The following ZSCAN25 variants were observed in gnomAD, a reference collection of about 807,000 sequenced individuals.
ZSCAN25 encodes zinc finger and SCAN domain-containing protein 25.
Under a neutral mutation model 38.7 loss-of-function variants are expected in ZSCAN25, and 27 were observed. The observed-to-expected ratio is 0.70, with a 90% CI of 0.51 to 0.96. The LOEUF is 0.96. Ranked by LOEUF, ZSCAN25 falls within the 40% of genes least tolerant of loss-of-function variation. ZSCAN25 has a pLI of 0.00. For synonymous variants in ZSCAN25, 273 were observed against 277.7 expected (o/e 0.98, Z 0.17); for missense variants, 637 against 705.9 (o/e 0.90, Z 1.11).
the ZSCAN25 span, among the ~76,000 whole-genome samples, chr7:99,675,781 C>CT: frequency 6.9e-6 from 1 of 145,450 alleles, no homozygotes; most frequent in Non-Finnish European, 1.5e-5. Context: ...ACAGCCTTGA[C>CT]TTCCTGGGTT....
chr7:99,636,882 G>C (rs1808305816), downstream of ZSCAN25, among the ~76,000 whole-genome samples: 1 of 152,170 alleles, frequency 6.6e-6, no homozygotes. Flanking sequence ...GTAATCTGTA[G>C]GTTCTTTGTC....
the ZSCAN25 span, among the ~76,000 whole-genome samples, chr7:99,672,412 C>G: frequency 2.6e-5 from 4 of 151,888 alleles, no homozygotes; most frequent in African/African-American, 9.7e-5. Flanking sequence ...ATATATATTG[C>G]AATATACAAG....
At position 99,624,038 on chromosome 7, in the gene ZSCAN25, CA is replaced by C; in HGVS notation, c.682-17del. Reference sequence around the variant, plus strand: ...CCTAGGATTCTTTCTTTATTCATAGCAATCTCCTATTGTTGCAGGGGTTGGG... The same window carrying C: ...CCTAGGATTCTTTCTTTATTCATAGCATCTCCTATTGTTGCAGGGGTTGGG... On this transcript the variant is annotated intron_variant, in intron 6 of 7. Coordinates refer to ENST00000394152, the MANE Select transcript of ZSCAN25 (RefSeq NM_145115.3). The C allele has an allele frequency of 6.2e-7, 1 of 1,614,128 alleles. No homozygotes were observed. Among genetic ancestry groups the C allele is most frequent in the Non-Finnish European group, 8.5e-7 (1 of 1,180,028 alleles).
At chr7:99,714,776 T>G in the ZSCAN25 span, 2 of 1,561,166 alleles carry the variant, frequency 1.3e-6, no homozygotes, top group Non-Finnish European at 1.7e-6. Context: ...ATCAGAAGAG[T>G]GAAATACATC....
At chr7:99,698,272 A>C in the ZSCAN25 span, among the ~76,000 whole-genome samples, 2 of 152,222 alleles carry the variant, frequency 1.3e-5, no homozygotes, top group South Asian at 4.1e-4. Context: ...ACCGCCCCAC[A>C]ACATGGCAGA....
the ZSCAN25 span, chr7:99,700,159 G>A: frequency 8.9e-6 from 6 of 670,998 alleles, no homozygotes; most frequent in East Asian, 8.4e-5. Context: ...CTGCTGAAAT[G>A]TTTATGTGCT....
At position 99,619,715 on chromosome 7, in the gene ZSCAN25, AG is replaced by A; in HGVS notation, c.110del (p.Ser37IlefsTer7). 6.2e-7 allele frequency: 1 copy of A among 1,614,140 alleles called. No homozygotes were observed. Among genetic ancestry groups the A allele is most frequent in the Admixed American group, 1.7e-5 (1 of 60,016 alleles). On this transcript the variant is annotated frameshift_variant, in exon 4 of 8. Transcript: ENST00000394152. LOFTEE classifies it high-confidence loss of function. The part of the protein sequence containing the change: ...LPWGRGREDP[S>X]PETFRLRFRQ... ...ATGGGGCAGAGGAAGGGAGGACCCT[AG>A]TCCAGAGACTTTTCGGCTGAGGTTT... is the stretch of plus-strand genomic sequence containing the variant.
At chr7:99,723,037 C>T in the ZSCAN25 span, among the ~76,000 whole-genome samples, 6,570 of 141,938 alleles carry the variant, frequency 0.046, 452 homozygotes, top group African/African-American at 0.15. Context: ...TAAAAAAAAA[C>T]CTTCCTGTTT....
the ZSCAN25 span, chr7:99,707,754 G>A: frequency 1.2e-6 from 2 of 1,603,746 alleles, no homozygotes; most frequent in East Asian, 2.3e-5. Context: ...TAAATATATA[G>A]ACCATTCAGT....
chr7:99,621,103 GATA>G (rs1283778017), intron 4 of ZSCAN25: 1 of 302,160 alleles, frequency 3.3e-6, no homozygotes, highest in East Asian at 5.3e-5. Context: ...TCCTCAGCAG[GATA>G]ATATTTGGGC....
At chr7:99,672,702 A>C in the ZSCAN25 span, 1 of 1,613,106 alleles carries the variant, frequency 6.2e-7, no homozygotes, top group South Asian at 1.1e-5. Flanking sequence ...AACGGAGCTG[A>C]TTAAACTTCA....
the ZSCAN25 span, chr7:99,720,540 A>T: frequency 9.6e-7 from 1 of 1,036,366 alleles, no homozygotes; most frequent in East Asian, 2.6e-5. Context: ...CAGTAATCTT[A>T]AGTTCTAGTT....
chr7:99,706,776 T>C, the ZSCAN25 span, among the ~76,000 whole-genome samples: 1 of 152,260 alleles, frequency 6.6e-6, no homozygotes, highest in Non-Finnish European at 1.5e-5. Context: ...AAAAACTTAA[T>C]ATTTGTATGC....
At chr7:99,655,634 A>G in the ZSCAN25 span, among the ~76,000 whole-genome samples, 1 of 152,222 alleles carries the variant, frequency 6.6e-6, no homozygotes, top group Non-Finnish European at 1.5e-5. Flanking sequence ...TGGTAGCTTG[A>G]TGGCGATGGC....
the ZSCAN25 span, among the ~76,000 whole-genome samples, chr7:99,715,030 C>T: frequency 2.6e-5 from 4 of 152,042 alleles, no homozygotes; most frequent in African/African-American, 9.7e-5. Context: ...TAATCATGCT[C>T]TTCAAGAAAT....
At chr7:99,721,793 A>C in the ZSCAN25 span, among the ~76,000 whole-genome samples, 1 of 152,000 alleles carries the variant, frequency 6.6e-6, no homozygotes, top group African/African-American at 2.4e-5. Context: ...GTGATTAAAA[A>C]CCTTGACAAA....
chr7:99,647,449 G>C, the ZSCAN25 span: 29 of 975,542 alleles, frequency 3.0e-5, no homozygotes, highest in African/African-American at 3.5e-4. Flanking sequence ...ATCAACTGAC[G>C]AATTGACAAT....
chr7:99,667,602 C>G, the ZSCAN25 span, among the ~76,000 whole-genome samples: 1 of 152,100 alleles, frequency 6.6e-6, no homozygotes, highest in Non-Finnish European at 1.5e-5. Context: ...ATTCTTTTCT[C>G]TTAATTTTTT....
At chr7:99,714,787 A>G in the ZSCAN25 span, 2 of 1,541,674 alleles carry the variant, frequency 1.3e-6, no homozygotes, top group East Asian at 4.6e-5. Context: ...GAAATACATC[A>G]GTGTTCTCAA....
Sources: gnomAD v4.1 joint callset for allele counts (sites outside exome capture counted in the v4.1 genomes callset) on GRCh38, gnomAD v4.1.1 for gene constraint, MANE v1.5 for transcripts, NCBI Gene and HGNC (gene_info 2026-07-23, HGNC 2026-07-21) for gene names.